Variants in GPC6 observed in about 807,000 individuals in gnomAD.
GPC6 encodes the protein glypican-6.
GPC6 carries 14 observed loss-of-function variants against 55.2 expected under a neutral mutation model. The observed-to-expected ratio is 0.25, with a 90% CI of 0.17 to 0.40. GPC6 has a LOEUF of 0.40. Ranked by LOEUF, GPC6 falls within the 10% of genes least tolerant of loss-of-function variation. GPC6 has a pLI of 1.00. For missense variants in GPC6, 641 were observed against 708.5 expected, an observed-to-expected ratio of 0.90 and a Z score of 1.08; for synonymous variants, 278 against 259.6, an observed-to-expected ratio of 1.07 and a Z score of -0.68.
chr13:93,241,050 TG>T (rs1876411916), intron 1 of GPC6, among the ~76,000 whole-genome samples: 1 of 152,224 alleles, frequency 6.6e-6, no homozygotes, highest in Admixed American at 6.5e-5. Context: ...TTGATGCCTT[TG>T]TCTCACTAGT....
chr13:93,806,744 G>A (rs1886553244), intron 2 of GPC6, among the ~76,000 whole-genome samples: 1 of 152,200 alleles, frequency 6.6e-6, no homozygotes, highest in Non-Finnish European at 1.5e-5. Context: ...TAGCTAACAA[G>A]GGATACTGCC....
At chr13:93,496,712 A>G (rs1237791250) in intron 1 of GPC6, among the ~76,000 whole-genome samples, 2 of 152,206 alleles carry the variant, frequency 1.3e-5, no homozygotes, top group Non-Finnish European at 2.9e-5. Context: ...ACCTTGGGCA[A>G]CTTACTTAAT....
rs1475715097 is a variant in GPC6 at position 93,273,603 on chromosome 13, A to G, written c.160+45987A>G. Among the ~76,000 whole-genome samples, 5 of 152,060 alleles carry G rather than the reference A, an allele frequency of 3.3e-5. No individual in the cohort carries two copies. In the East Asian group the frequency reaches 9.7e-4, roughly 30 times the overall value. On this transcript the variant is annotated intron_variant, in intron 1 of 8. Transcript: ENST00000377047. The stretch of plus-strand genomic sequence containing the variant: ...AACCCGGGAGGCGGAGCTTGCAGTG[A>G]ACCGAGATTGCGCCACTGCACTCCA...
At chr13:93,906,301 A>G (rs1225047565) in intron 3 of GPC6, among the ~76,000 whole-genome samples, 2 of 152,152 alleles carry the variant, frequency 1.3e-5, no homozygotes, top group African/African-American at 2.4e-5. Flanking sequence ...ACCAGCCCTC[A>G]CTGTAATTGA....
intron 4 of GPC6, among the ~76,000 whole-genome samples, chr13:94,054,672 A>G (rs970006278): frequency 6.6e-6 from 1 of 152,214 alleles, no homozygotes; most frequent in South Asian, 2.1e-4. Context: ...AAGAGAGTTC[A>G]GAAGAGGTCG....
At chr13:93,670,996 A>G (rs761239904) in intron 2 of GPC6, among the ~76,000 whole-genome samples, 2 of 152,070 alleles carry the variant, frequency 1.3e-5, no homozygotes, top group South Asian at 2.1e-4. Context: ...CTCCCTTTCC[A>G]TTCATTTTCA....
chr13:93,559,255 A>C (rs537220123), intron 2 of GPC6, among the ~76,000 whole-genome samples: 35 of 152,310 alleles, frequency 2.3e-4, no homozygotes, highest in African/African-American at 8.4e-4. Context: ...TTTTCTCATG[A>C]TAATATCCTG....
intron 4 of GPC6, among the ~76,000 whole-genome samples, chr13:94,054,007 T>C (rs1884045278): frequency 6.6e-6 from 1 of 152,076 alleles, no homozygotes; most frequent in African/African-American, 2.4e-5. Flanking sequence ...AGGTGCTGAA[T>C]GAGAGGAATA....
At chr13:93,638,848 G>A (rs1879801581) in intron 2 of GPC6, among the ~76,000 whole-genome samples, 1 of 152,094 alleles carries the variant, frequency 6.6e-6, no homozygotes, top group Non-Finnish European at 1.5e-5. Flanking sequence ...TAATAATGTT[G>A]TAAGTTTTAT....
At chr13:93,246,521 T>C (rs1876606954) in intron 1 of GPC6, among the ~76,000 whole-genome samples, 1 of 152,064 alleles carries the variant, frequency 6.6e-6, no homozygotes, top group Non-Finnish European at 1.5e-5. Flanking sequence ...TTATTTACTA[T>C]TTTCTTAATA....
At chr13:93,537,332 A>T (rs985032306) in intron 1 of GPC6, among the ~76,000 whole-genome samples, 1 of 152,186 alleles carries the variant, frequency 6.6e-6, no homozygotes, top group Non-Finnish European at 1.5e-5. Flanking sequence ...TTATGTCTGG[A>T]AAAATTTTGA....
Position 93,728,655 on chromosome 13 carries a change from C to T in GPC6, c.320-101499C>T, listed in dbSNP as rs556136421. The stretch of plus-strand genomic sequence containing the variant: ...AATTTCAGCTCACTGCAGCCTCTAC[C>T]TCCTGGGTTGAAGTCATTCTCCAGC... On this transcript the variant is annotated intron_variant, in intron 2 of 8. Transcript: ENST00000377047. Among the ~76,000 whole-genome samples the T allele has an allele frequency of 3.3e-5, 5 of 152,022 alleles. No individual in the cohort carries two copies. The South Asian group carries it at 1.0e-3, about 32-fold the overall frequency.
intron 4 of GPC6, among the ~76,000 whole-genome samples, chr13:94,240,596 A>G (rs1262966024): frequency 6.6e-6 from 1 of 151,820 alleles, no homozygotes; most frequent in African/African-American, 2.4e-5. Context: ...CTCTTGGAGT[A>G]GATATTCCAG....
chr13:93,475,696 A>G (rs1051911798), intron 1 of GPC6, among the ~76,000 whole-genome samples: 3 of 152,196 alleles, frequency 2.0e-5, no homozygotes, highest in Non-Finnish European at 4.4e-5. Flanking sequence ...ATGCTAGGAA[A>G]ATACAGTCAT....
chr13:93,879,070 T>G (rs1874785564), intron 3 of GPC6, among the ~76,000 whole-genome samples: 7 of 152,054 alleles, frequency 4.6e-5, no homozygotes, highest in Admixed American at 4.6e-4. Context: ...CCTTCTCACT[T>G]CATTTCATTC....
At chr13:93,726,103 TACACAC>T (rs71811304) in intron 2 of GPC6, among the ~76,000 whole-genome samples, 9,049 of 126,732 alleles carry the variant, frequency 0.071, 325 homozygotes, top group East Asian at 0.11. Context: ...TTTTCCTTCA[TACACAC>T]ACACACACAC....
At chr13:93,968,373 A>C (rs1880139816) in intron 3 of GPC6, among the ~76,000 whole-genome samples, 1 of 152,194 alleles carries the variant, frequency 6.6e-6, no homozygotes, top group African/African-American at 2.4e-5. Flanking sequence ...GCATTTCTAT[A>C]ATCACTTAAT....
intron 2 of GPC6, among the ~76,000 whole-genome samples, chr13:93,799,797 C>T (rs1179624149): frequency 6.6e-6 from 1 of 152,154 alleles, no homozygotes. Flanking sequence ...AAAAGCTCTT[C>T]ACAGCCATAA....
intron 2 of GPC6, among the ~76,000 whole-genome samples, chr13:93,809,430 A>G (rs1223116555): frequency 6.6e-6 from 1 of 152,180 alleles, no homozygotes; most frequent in Non-Finnish European, 1.5e-5. Flanking sequence ...CATGGTATGA[A>G]TTGTGGATGT....
Sources: allele counts gnomAD v4.1 joint callset (sites outside exome capture counted in the v4.1 genomes callset), GRCh38; gene constraint gnomAD v4.1.1; transcripts MANE v1.5; gene names NCBI Gene and HGNC (gene_info 2026-07-23, HGNC 2026-07-21).